EXT1: variants seen among roughly 807,000 people sequenced by gnomAD.
The protein encoded by EXT1 is exostosin-1.
A neutral mutation model predicts 82.5 loss-of-function variants in EXT1; 20 were observed. The observed-to-expected ratio is 0.24, with a 90% confidence interval of 0.17 to 0.35. The LOEUF (loss-of-function observed/expected upper bound fraction) is 0.35, where lower values mean the gene tolerates loss of function less well. Ranked by LOEUF, EXT1 falls within the 10% of genes least tolerant of loss-of-function variation. The probability of loss-of-function intolerance (pLI) is 1.00; values close to 1 mark genes in which losing one functional copy is unlikely to be tolerated. For missense variants in EXT1, 757 were observed against 936.5 expected (o/e 0.81, Z 2.50); for synonymous variants, 348 against 350.8 (o/e 0.99, Z 0.09).
intron 5 of EXT1, 78 bp from the exon 6 acceptor site, chr8:117,819,872 G>GC: frequency 5.3e-6 from 7 of 1,315,200 alleles, no homozygotes; most frequent in Non-Finnish European, 7.7e-6. Flanking sequence ...TTGCTCCGCT[G>GC]CCTCATGCTG....
intron 10 of EXT1, among the ~76,000 whole-genome samples, chr8:117,801,804 C>A (rs1473082185): frequency 2.0e-5 from 3 of 152,152 alleles, no homozygotes; most frequent in Admixed American, 6.5e-5. Flanking sequence ...CTGTGCCCGG[C>A]CTGTGGGCCA....
chr8:117,860,146 C>CAAAAA (rs34399339), intron 1 of EXT1, among the ~76,000 whole-genome samples: 9 of 76,886 alleles, frequency 1.2e-4, no homozygotes, highest in African/African-American at 2.2e-4. Flanking sequence ...GATTCTATCT[C>CAAAAA]AAAAAAAAAA....
Position 117,819,711 on chromosome 8 carries a change from G to C in EXT1, c.1501C>G (p.Leu501Val). The change falls in exon 6 of 11, where the codon CTC becomes GTC. Residue 501 changes from leucine to valine, a missense_variant. Physicochemically the swap from Leu to Val is conservative, Grantham distance 32. Around this residue, in one of 4 missense-constraint regions of EXT1, gnomAD observed 207 missense variants for 224.2 expected, o/e 0.92. Transcript: ENST00000378204. ...TACTGGGACTTGGCTGCAGCCACGA[G>C]AAGCTTCAACACTGGCTGGGACTGA... ...VSQSQPVLKL[L>V]VAAAKSQYCA... 6.2e-7 allele frequency: 1 copy of C among 1,612,942 alleles called. No individual in the cohort carries two copies. The highest frequency in any genetic ancestry group is 1.1e-5 in the South Asian group (1 of 91,022).
rs116054884 is a variant in EXT1 at position 117,838,252 on chromosome 8, T to C, written c.963-1051A>G. Among the ~76,000 whole-genome samples, 1,308 of 152,334 alleles carry C rather than the reference T, an allele frequency of 8.6e-3. 20 individuals are homozygous for C. Among genetic ancestry groups the C allele is most frequent in the African/African-American group, 0.029 (1,215 of 41,580 alleles). Reference sequence around the variant, plus strand: ...GACAGGTGTGACTTTGACAGTAGCATATGTCACCACCACTTTCTGACTCTA... The same window carrying C: ...GACAGGTGTGACTTTGACAGTAGCACATGTCACCACCACTTTCTGACTCTA... On this transcript the variant is annotated intron_variant, in intron 1 of 10. Transcript: ENST00000378204.
intron 1 of EXT1, among the ~76,000 whole-genome samples, chr8:118,052,369 A>G (rs1816731038): frequency 6.6e-6 from 1 of 152,216 alleles, no homozygotes; most frequent in South Asian, 2.1e-4. Context: ...ATGGATAAAC[A>G]TTTTGTTTTT....
chr8:117,949,654 A>G (rs1814455229), intron 1 of EXT1, among the ~76,000 whole-genome samples: 1 of 151,972 alleles, frequency 6.6e-6, no homozygotes, highest in African/African-American at 2.4e-5. Context: ...ATACATAAGT[A>G]ATAATATGAT....
intron 1 of EXT1, among the ~76,000 whole-genome samples, chr8:117,925,320 C>T (rs1437889654): frequency 6.7e-6 from 1 of 148,264 alleles, no homozygotes; most frequent in Non-Finnish European, 1.5e-5. Context: ...CTGGCACACA[C>T]ATAATTGTTG....
chr8:117,848,281 A>G (rs764975917), intron 1 of EXT1, among the ~76,000 whole-genome samples: 2 of 152,216 alleles, frequency 1.3e-5, no homozygotes, highest in Non-Finnish European at 2.9e-5. Flanking sequence ...ATATCTTTGC[A>G]TGAAGGTTGA....
Position 117,807,228 on chromosome 8 carries a change from A to G in EXT1, c.1872T>C (p.Ala624=), listed in dbSNP as rs1823251633. 2 of 1,614,202 alleles carry G rather than the reference A, an allele frequency of 1.2e-6. No homozygotes were observed. ...NDYSMVLTGA[A]IYHKYYHYLY... Reference sequence around the variant, plus strand: ...TCCAGATTCCTCACTTGTGGTAAATAGCAGCTCCTGTCAACACCATGGAGT... The same window carrying G: ...TCCAGATTCCTCACTTGTGGTAAATGGCAGCTCCTGTCAACACCATGGAGT... Residue 624 remains alanine, a synonymous_variant, in exon 9 of 11, where the codon GCT becomes GCC. Transcript: ENST00000378204.
chr8:117,843,490 G>A (rs1812304880), intron 1 of EXT1, among the ~76,000 whole-genome samples: 1 of 152,118 alleles, frequency 6.6e-6, no homozygotes, highest in Admixed American at 6.5e-5. Context: ...AGGAGGTGAT[G>A]GGAATTCCTG....
chr8:117,875,335 C>T (rs1401902761), intron 1 of EXT1, among the ~76,000 whole-genome samples: 2 of 151,976 alleles, frequency 1.3e-5, no homozygotes, highest in African/African-American at 4.8e-5. Context: ...GCAGGAGAAC[C>T]GCTTGAACCC....
chr8:117,998,016 T>C (rs1157672676), intron 1 of EXT1, among the ~76,000 whole-genome samples: 3 of 13,494 alleles, frequency 2.2e-4, no homozygotes, highest in South Asian at 2.6e-3. Context: ...TTTATTTTAC[T>C]TTTTTTTTTT....
chr8:118,097,745 C>T (rs1012955138), intron 1 of EXT1, among the ~76,000 whole-genome samples: 2 of 152,200 alleles, frequency 1.3e-5, no homozygotes, highest in Non-Finnish European at 2.9e-5. Context: ...AGTGCCTGCA[C>T]ACCGTAGGCA....
At chr8:118,037,829 G>GTT (rs938635710) in intron 1 of EXT1, among the ~76,000 whole-genome samples, 6 of 124,766 alleles carry the variant, frequency 4.8e-5, no homozygotes, top group South Asian at 5.0e-4. Context: ...CAACAAGAGT[G>GTT]TTTTTTGTTT....
At chr8:117,999,995 T>C (rs1391771090) in intron 1 of EXT1, among the ~76,000 whole-genome samples, 3 of 152,062 alleles carry the variant, frequency 2.0e-5, no homozygotes, top group Non-Finnish European at 4.4e-5. Flanking sequence ...TATATATATC[T>C]GTACTTTATA....
intron 1 of EXT1, among the ~76,000 whole-genome samples, chr8:117,998,769 C>G (rs17431221): frequency 1.3e-5 from 2 of 152,290 alleles, no homozygotes; most frequent in Non-Finnish European, 2.9e-5. Context: ...ACTTGTAAAA[C>G]CCCCAAATGA....
At chr8:117,984,290 G>A (rs1365656346) in intron 1 of EXT1, among the ~76,000 whole-genome samples, 1 of 152,054 alleles carries the variant, frequency 6.6e-6, no homozygotes, top group Non-Finnish European at 1.5e-5. Context: ...GTGGTAGTGG[G>A]TGCCTATAAT....
intron 1 of EXT1, among the ~76,000 whole-genome samples, chr8:117,841,309 A>G (rs1812270600): frequency 6.6e-6 from 1 of 152,214 alleles, no homozygotes; most frequent in South Asian, 2.1e-4. Flanking sequence ...CACCCTCGAA[A>G]GTGTACATAC....
At chr8:118,020,972 C>T (rs1162550063) in intron 1 of EXT1, among the ~76,000 whole-genome samples, 1 of 152,154 alleles carries the variant, frequency 6.6e-6, no homozygotes, top group African/African-American at 2.4e-5. Flanking sequence ...TGTAGCTTAG[C>T]TTTTCAATGA....
Sources: allele counts gnomAD v4.1 joint callset (sites outside exome capture counted in the v4.1 genomes callset), GRCh38; gene constraint gnomAD v4.1.1; regional missense constraint gnomAD v4.1.1; transcripts MANE v1.5; gene names NCBI Gene and HGNC (gene_info 2026-07-23, HGNC 2026-07-21).